Variants in ARHGAP22 observed in about 807,000 individuals in gnomAD.
ARHGAP22 encodes rho GTPase-activating protein 22.
In ARHGAP22, 48 loss-of-function variants were observed where a neutral mutation model predicts 59.1. The observed-to-expected ratio is 0.81, with a 90% CI of 0.64 to 1.03. The LOEUF is 1.03. Among genes scored for constraint, ARHGAP22 ranks in the 50% least tolerant of loss-of-function variants. ARHGAP22 has a pLI of 0.00. For missense variants in ARHGAP22, 1,015 were observed against 958.7 expected (o/e 1.06, Z -0.78); for synonymous variants, 445 against 416.4 (o/e 1.07, Z -0.84).
chr10:48,603,861 GC>G (rs770692695), intron 1 of ARHGAP22, among the ~76,000 whole-genome samples: 1 of 152,164 alleles, frequency 6.6e-6, no homozygotes, highest in East Asian at 1.9e-4. Context: ...GAGGCTGGAG[GC>G]CCCCCGCTGC....
At chr10:48,529,840 CAT>C (rs1255742928) in intron 3 of ARHGAP22, among the ~76,000 whole-genome samples, 1 of 152,146 alleles carries the variant, frequency 6.6e-6, no homozygotes, top group Non-Finnish European at 1.5e-5. Context: ...ACAAACAAAA[CAT>C]AAAAGTAGGG....
intron 4 of ARHGAP22, among the ~76,000 whole-genome samples, chr10:48,477,600 G>A (rs2048871183): frequency 6.6e-6 from 1 of 152,242 alleles, no homozygotes; most frequent in African/African-American, 2.4e-5. Context: ...CTAGCAATAT[G>A]TGCAAGTTTC....
chr10:48,648,370 T>C (rs931690186), intron 1 of ARHGAP22, among the ~76,000 whole-genome samples: 3 of 152,056 alleles, frequency 2.0e-5, no homozygotes, highest in African/African-American at 7.2e-5. Context: ...TTGCAGTTGA[T>C]TGGGGCAGTG....
At chr10:48,578,554 CTG>C (rs1282345799) in intron 2 of ARHGAP22, among the ~76,000 whole-genome samples, 1 of 128,794 alleles carries the variant, frequency 7.8e-6, no homozygotes, top group Non-Finnish European at 1.7e-5. Context: ...GTGTGTGTGT[CTG>C]TGTGTGTGTG....
intron 3 of ARHGAP22, chr10:48,524,191 G>A (rs1564816792): frequency 2.9e-5 from 29 of 991,820 alleles, no homozygotes; most frequent in Non-Finnish European, 3.6e-5. Context: ...CCGGCCCACG[G>A]GCAGTGCCCA....
intron 1 of ARHGAP22, among the ~76,000 whole-genome samples, chr10:48,643,617 G>T (rs148829722): frequency 3.3e-5 from 5 of 151,300 alleles, no homozygotes; most frequent in East Asian, 1.9e-4. Flanking sequence ...TTGGTGGGAG[G>T]GGGGAGGGAG....
rs2059950782 is a variant in ARHGAP22 at position 48,594,527 on chromosome 10, T to C, written c.34+10236A>G. ...ATGATGGAGCTCTGCCCAAATTCTC[T>C]TGAATCCCTTTTCCTGTGTCTATTT... On this transcript the variant is annotated intron_variant, in intron 1 of 9. Coordinates refer to ENST00000249601, the MANE Select transcript of ARHGAP22 (RefSeq NM_021226.4). 2.0e-5 allele frequency among the ~76,000 whole-genome samples: 3 copies of C among 152,208 alleles called. No homozygotes were observed. In the South Asian group the frequency reaches 6.2e-4, roughly 31 times the overall value.
chr10:48,561,509 T>TA (rs1462696199), intron 2 of ARHGAP22, among the ~76,000 whole-genome samples: 3 of 152,054 alleles, frequency 2.0e-5, no homozygotes, highest in African/African-American at 4.8e-5. Flanking sequence ...TCATTTAAAT[T>TA]AAAAAAACTG....
chr10:48,520,128 G>A (rs2053668575), intron 3 of ARHGAP22, among the ~76,000 whole-genome samples: 1 of 152,230 alleles, frequency 6.6e-6, no homozygotes, highest in Non-Finnish European at 1.5e-5. Flanking sequence ...AGAGGCAGTG[G>A]GAGTGCGGGA....
chr10:48,648,409 G>C (rs1428550396), intron 1 of ARHGAP22, among the ~76,000 whole-genome samples: 1 of 152,140 alleles, frequency 6.6e-6, no homozygotes, highest in Non-Finnish European at 1.5e-5. Flanking sequence ...TGTGAGCAGA[G>C]TGTGATGTGT....
intron 3 of ARHGAP22, among the ~76,000 whole-genome samples, chr10:48,498,373 G>T (rs1389623791): frequency 6.6e-6 from 1 of 152,132 alleles, no homozygotes; most frequent in Non-Finnish European, 1.5e-5. Context: ...GGCACCTGTT[G>T]GTCCTCAGAG....
At chr10:48,481,174 C>A (rs1459228923) in intron 3 of ARHGAP22, among the ~76,000 whole-genome samples, 2 of 152,176 alleles carry the variant, frequency 1.3e-5, no homozygotes, top group African/African-American at 4.8e-5. Flanking sequence ...ACAGTGGAGC[C>A]CAACCCCAGA....
intron 3 of ARHGAP22, among the ~76,000 whole-genome samples, chr10:48,537,696 C>T (rs1212001601): frequency 3.3e-5 from 5 of 152,230 alleles, no homozygotes; most frequent in East Asian, 1.9e-4. Flanking sequence ...GTCCTCTCCT[C>T]GGTCTCTTGG....
chr10:48,435,276 AATT>A, the ARHGAP22 span: 3 of 366,158 alleles, frequency 8.2e-6, no homozygotes, highest in African/African-American at 4.2e-5. Flanking sequence ...ATGTAAACCT[AATT>A]ATTTTATCAT....
chr10:48,589,123 CCCA>C (rs1564947119), intron 1 of ARHGAP22, among the ~76,000 whole-genome samples: 1 of 152,174 alleles, frequency 6.6e-6, no homozygotes, highest in African/African-American at 2.4e-5. Flanking sequence ...CCCCCCAGTC[CCCA>C]CCAACTCCTT....
chr10:48,539,361 G>C (rs1386514649), intron 3 of ARHGAP22, among the ~76,000 whole-genome samples: 1 of 140,056 alleles, frequency 7.1e-6, no homozygotes, highest in East Asian at 2.3e-4. Flanking sequence ...GCGCGATCTC[G>C]GCTCACTGCA....
intron 1 of ARHGAP22, among the ~76,000 whole-genome samples, chr10:48,602,272 T>G (rs1161676310): frequency 6.6e-6 from 1 of 152,176 alleles, no homozygotes; most frequent in East Asian, 1.9e-4. Flanking sequence ...TCAAGGCTCC[T>G]GAGACATTGA....
chr10:48,600,968 A>G (rs2060346097), intron 1 of ARHGAP22, among the ~76,000 whole-genome samples: 1 of 152,198 alleles, frequency 6.6e-6, no homozygotes, highest in Non-Finnish European at 1.5e-5. Context: ...GCACCCTTCC[A>G]TGAGCAGTTC....
chr10:48,529,115 G>A (rs1242396271), intron 3 of ARHGAP22, among the ~76,000 whole-genome samples: 1 of 152,192 alleles, frequency 6.6e-6, no homozygotes, highest in Non-Finnish European at 1.5e-5. Flanking sequence ...GGCATTTAGG[G>A]TAGAAGACAT....
Sources: allele counts gnomAD v4.1 joint callset (sites outside exome capture counted in the v4.1 genomes callset), GRCh38; gene constraint gnomAD v4.1.1; transcripts MANE v1.5; gene names NCBI Gene and HGNC (gene_info 2026-07-23, HGNC 2026-07-21).